Variants in CREB3L2 observed in about 807,000 individuals in gnomAD.
The protein encoded by CREB3L2 is cAMP responsive element binding protein 3 like 2, also known as cyclic AMP-responsive element-binding protein 3-like protein 2.
In CREB3L2, 23 loss-of-function variants were observed where a neutral mutation model predicts 57.2. The observed-to-expected ratio is 0.40, with a 90% CI of 0.29 to 0.57. CREB3L2 has a LOEUF of 0.57. Among genes scored for constraint, CREB3L2 ranks in the 20% least tolerant of loss-of-function variants. The pLI is 0.42. For synonymous variants in CREB3L2, 268 were observed against 265.1 expected, an observed-to-expected ratio of 1.01 and a Z score of -0.11; for missense variants, 628 against 634.7, an observed-to-expected ratio of 0.99 and a Z score of 0.11.
At chr7:137,997,149 CT>C (rs1184572672) in intron 1 of CREB3L2, among the ~76,000 whole-genome samples, 1 of 152,134 alleles carries the variant, frequency 6.6e-6, no homozygotes, top group Non-Finnish European at 1.5e-5. Context: ...CTGAAGCTCC[CT>C]TTTTCCCCCA....
chr7:137,906,689 A>T (rs1799897282), intron 5 of CREB3L2, among the ~76,000 whole-genome samples: 1 of 152,196 alleles, frequency 6.6e-6, no homozygotes, highest in Admixed American at 6.5e-5. Flanking sequence ...GTGTTGTGGG[A>T]GGGACCCAGT....
intron 1 of CREB3L2, among the ~76,000 whole-genome samples, chr7:137,949,310 TA>T (rs1433487996): frequency 6.6e-6 from 1 of 152,196 alleles, no homozygotes; most frequent in Non-Finnish European, 1.5e-5. Flanking sequence ...CACAGACGTT[TA>T]AAAAAGAACA....
chr7:137,907,971 T>G (rs936372710), intron 5 of CREB3L2, among the ~76,000 whole-genome samples: 2 of 152,348 alleles, frequency 1.3e-5, no homozygotes, highest in African/African-American at 2.4e-5. Flanking sequence ...CCCCAAATTT[T>G]TATTCCTCAT....
chr7:137,983,113 C>A (rs887374586), intron 1 of CREB3L2, among the ~76,000 whole-genome samples: 1 of 152,210 alleles, frequency 6.6e-6, no homozygotes, highest in Admixed American at 6.5e-5. Flanking sequence ...CACCCAGATA[C>A]TCTCAATGCC....
At chr7:137,884,947 T>A in intron 10 of CREB3L2, 48 bp downstream of exon 10, 1 of 1,611,416 alleles carries the variant, frequency 6.2e-7, no homozygotes. Flanking sequence ...AACCCAGCTC[T>A]AGGGAAATAA....
intron 1 of CREB3L2, among the ~76,000 whole-genome samples, chr7:137,990,093 T>C (rs185305908): frequency 6.6e-6 from 1 of 152,320 alleles, no homozygotes; most frequent in Admixed American, 6.5e-5. Context: ...ACCTTCCCGC[T>C]TACAAAAGAA....
intron 5 of CREB3L2, among the ~76,000 whole-genome samples, chr7:137,907,538 A>G (rs1799917380): frequency 6.6e-6 from 1 of 152,262 alleles, no homozygotes; most frequent in South Asian, 2.1e-4. Context: ...AGTTATGTTA[A>G]TTAATGGACG....
Position 137,901,874 on chromosome 7 carries a change from CAAAAAA to C in CREB3L2, c.975-458_975-453del, listed in dbSNP as rs59855306. 8.6e-5 allele frequency among the ~76,000 whole-genome samples: 5 copies of C among 57,836 alleles called. 1 individual carries two copies. The highest frequency in any genetic ancestry group is 5.9e-4 in the Admixed American group (2 of 3,408). The allele number at this position is 57,836 out of a possible 152,430, so 37.9% of individuals were successfully genotyped here. On this transcript the variant is annotated intron_variant, in intron 7 of 11. Transcript: ENST00000330387. ...CCTTGTGACAGAGCAAGATCTGTCT[CAAAAAA>C]AAAAAAAAAAAAGAAAAATAGAAGG...
chr7:137,975,856 A>G (rs1234965141), intron 1 of CREB3L2, among the ~76,000 whole-genome samples: 2 of 152,250 alleles, frequency 1.3e-5, no homozygotes, highest in African/African-American at 4.8e-5. Flanking sequence ...TCTGGAATTC[A>G]AAGTAGTTTT....
rs1408106943 is a variant in CREB3L2 at position 137,953,376 on chromosome 7, T to C, written c.103-25010A>G. 3 of 847,598 alleles carry C rather than the reference T, an allele frequency of 3.5e-6. No individual in the cohort carries two copies. The East Asian group carries it at 1.9e-4, about 53-fold the overall frequency. The allele number at this position is 847,598 out of a possible 1,614,324, so 52.5% of individuals were successfully genotyped here. A position where few individuals can be genotyped will look rare whatever the true frequency, so the allele number is the denominator to read the frequency against. On this transcript the variant is annotated intron_variant, in intron 1 of 11. Coordinates refer to ENST00000330387, the MANE Select transcript of CREB3L2 (RefSeq NM_194071.4). ...TATGACCAAATTACTGCCAGAGCCT[T>C]CTAACTTCTCTGCACCCACTCCAGT...
chr7:137,975,026 G>A (rs1003875812), intron 1 of CREB3L2, among the ~76,000 whole-genome samples: 1 of 152,216 alleles, frequency 6.6e-6, no homozygotes, highest in Non-Finnish European at 1.5e-5. Context: ...TGACATTTCA[G>A]CATCAAGCCT....
Position 137,942,566 on chromosome 7 carries a change from A to AAAAAC in CREB3L2, c.103-14205_103-14201dup, listed in dbSNP as rs755920310. 4.0e-4 allele frequency among the ~76,000 whole-genome samples: 61 copies of AAAAAC among 152,320 alleles called. No individual in the cohort carries two copies. In the Middle Eastern group the frequency reaches 0.014, roughly 34 times the overall value. ...TAGAGTTGAAGAATTTCTAAGAAGGAAAAACAAAACAAAACAAAATAAAAC... is the reference window on the plus strand; with the variant it reads ...TAGAGTTGAAGAATTTCTAAGAAGGAAAAACAAAACAAAACAAAACAAAATAAAAC... On this transcript the variant is annotated intron_variant, in intron 1 of 11. Coordinates refer to ENST00000330387, the MANE Select transcript of CREB3L2 (RefSeq NM_194071.4).
intron 1 of CREB3L2, among the ~76,000 whole-genome samples, chr7:137,953,680 G>A (rs1047891066): frequency 3.3e-5 from 5 of 152,172 alleles, no homozygotes; most frequent in African/African-American, 1.2e-4. Flanking sequence ...TCTTTCTAAT[G>A]CCAAGCCTTC....
intron 1 of CREB3L2, among the ~76,000 whole-genome samples, chr7:137,946,417 A>G (rs1800976028): frequency 1.3e-5 from 2 of 150,234 alleles, no homozygotes; most frequent in Non-Finnish European, 1.5e-5. Flanking sequence ...TAGAAGATGT[A>G]CAAATGCAGA....
intron 1 of CREB3L2, among the ~76,000 whole-genome samples, chr7:137,941,943 A>G (rs924560974): frequency 6.6e-6 from 1 of 152,196 alleles, no homozygotes; most frequent in Non-Finnish European, 1.5e-5. Flanking sequence ...ATTTTTCTTT[A>G]GTGAACTCGG....
intron 1 of CREB3L2, among the ~76,000 whole-genome samples, chr7:137,949,842 G>A (rs545426422): frequency 7.4e-4 from 113 of 152,330 alleles, no homozygotes; most frequent in African/African-American, 2.5e-3. Context: ...GTGTTATTGA[G>A]AGTGATCAAC....
chr7:137,902,285 G>A (rs1038925528), intron 7 of CREB3L2, among the ~76,000 whole-genome samples: 15 of 151,452 alleles, frequency 9.9e-5, no homozygotes, highest in African/African-American at 2.9e-4. Context: ...CCCTCTTTTA[G>A]GGTGTTACAA....
chr7:137,908,277 C>A lies in CREB3L2; in HGVS notation c.743G>T (p.Ser248Ile). 1 of 1,259,236 alleles carries A rather than the reference C, an allele frequency of 7.9e-7. No individual in the cohort carries two copies. The highest frequency in any genetic ancestry group is 1.0e-6 in the Non-Finnish European group (1 of 993,164). The allele number at this position is 1,259,236 out of a possible 1,614,324, so 78.0% of individuals were successfully genotyped here. A position where few individuals can be genotyped will look rare whatever the true frequency, so the allele number is the denominator to read the frequency against. Residue 248 changes from serine (S) to isoleucine (I), a missense_variant, in exon 5 of 12, where the codon AGC becomes ATC. Coordinates refer to ENST00000330387, the MANE Select transcript of CREB3L2 (RefSeq NM_194071.4). Reference sequence around the variant, plus strand: ...ATGAGGAGCCGTGAGGAGAGGGGAGCTGGAGAGGGCGGAGGGGGCCCGGGG... The same window carrying A: ...ATGAGGAGCCGTGAGGAGAGGGGAGATGGAGAGGGCGGAGGGGGCCCGGGG... ...AAPRAPSALS[S>I]SPLLTAPHKL...
intron 1 of CREB3L2, chr7:137,953,662 C>T (rs1458747379): frequency 2.0e-6 from 1 of 500,438 alleles, no homozygotes; most frequent in East Asian, 7.0e-5. Flanking sequence ...AAGGGGTAGA[C>T]ACTGAGCTCT....
Sources: gnomAD v4.1 joint callset for allele counts (sites outside exome capture counted in the v4.1 genomes callset) on GRCh38, gnomAD v4.1.1 for gene constraint, MANE v1.5 for transcripts, NCBI Gene and HGNC (gene_info 2026-07-23, HGNC 2026-07-21) for gene names.